The following SYNE2 variants were observed in gnomAD, a reference collection of about 807,000 sequenced individuals.
SYNE2 encodes the protein spectrin repeat containing nuclear envelope protein 2, also known as nesprin-2.
Under a neutral mutation model 856.3 loss-of-function variants are expected in SYNE2, and 431 were observed. The observed-to-expected ratio is 0.50, with a 90% CI of 0.47 to 0.55. The LOEUF is 0.55. Ranked by LOEUF, SYNE2 falls within the 20% of genes least tolerant of loss-of-function variation. The pLI is 0.00. For synonymous variants in SYNE2, 2,923 were observed against 2,872.3 expected, an observed-to-expected ratio of 1.02 and a Z score of -0.56; for missense variants, 8,129 against 8,023.2, an observed-to-expected ratio of 1.01 and a Z score of -0.50.
In SYNE2 at chr14:63,813,284, T is replaced by A. The variant is rs115941711; in HGVS notation, c.-304-39217T>A. Among the ~76,000 whole-genome samples, 538 of 152,184 alleles carry A rather than the reference T, an allele frequency of 3.5e-3. 5 individuals carry two copies. The highest frequency in any genetic ancestry group is 0.012 in the African/African-American group (505 of 41,510). On this transcript the variant is annotated intron_variant, in intron 1 of 23. Transcript: ENST00000674003. ...TCATTGTCTTTGGCAGAAATGAGAG[T>A]GAATGTAGAGAGAAAAATCGTGTTT...
chr14:64,192,516 T>C (rs1424508638), intron 99 of SYNE2, among the ~76,000 whole-genome samples: 1 of 152,138 alleles, frequency 6.6e-6, no homozygotes, highest in African/African-American at 2.4e-5. Context: ...GATAAAACAG[T>C]GGGTAAAATT....
chr14:64,194,890 C>G (rs2098534191), intron 99 of SYNE2, among the ~76,000 whole-genome samples: 1 of 152,238 alleles, frequency 6.6e-6, no homozygotes, highest in Admixed American at 6.5e-5. Context: ...GCCACCTGAT[C>G]TCACCTATGC....
intron 96 of SYNE2, among the ~76,000 whole-genome samples, chr14:64,184,368 G>GTGTA (rs1226355639): frequency 1.3e-5 from 2 of 150,838 alleles, no homozygotes; most frequent in African/African-American, 2.5e-5. Context: ...GTGTGTATGT[G>GTGTA]TATGAACATG....
chr14:64,132,335 T>C lies in SYNE2; in HGVS notation c.14411T>C (p.Leu4804Ser), dbSNP rs1368762615. The part of the protein sequence containing the change: ...QAYSAKILPS[L>S]LQNRETFWAE... ...TACTCTGCCAAAATACTTCCTTCTT[T>C]ATTGCAAAACAGAGAGACATTTTGG... Residue 4804 changes from leucine (L) to serine (S), a missense_variant, in exon 77 of 116, where the codon TTA (leucine) becomes TCA (serine). Physicochemically the swap from Leu to Ser is moderately radical, Grantham distance 145. Transcript: ENST00000555002. 1 of 1,614,208 alleles carries C rather than the reference T, an allele frequency of 6.2e-7. No homozygotes were observed. The highest frequency in any genetic ancestry group is 8.5e-7 in the Non-Finnish European group (1 of 1,180,034).
At chr14:64,111,212 ATG>A (rs1184183997) in intron 65 of SYNE2, among the ~76,000 whole-genome samples, 1 of 151,918 alleles carries the variant, frequency 6.6e-6, no homozygotes, top group Non-Finnish European at 1.5e-5. Context: ...AAAAAAAAAA[ATG>A]TGCGTGGCAT....
At chr14:63,772,141 C>T (rs961991594) in intron 1 of SYNE2, among the ~76,000 whole-genome samples, 24 of 151,852 alleles carry the variant, frequency 1.6e-4, no homozygotes, top group African/African-American at 5.6e-4. Flanking sequence ...TCCCTTGAGC[C>T]CAGGCATTTG....
At chr14:64,101,202 T>A (rs953376556) in intron 63 of SYNE2, among the ~76,000 whole-genome samples, 3 of 152,112 alleles carry the variant, frequency 2.0e-5, no homozygotes, top group Non-Finnish European at 2.9e-5. Flanking sequence ...TTTTAGTTTT[T>A]TGAGGAACTT....
rs1567585454 is a variant in SYNE2 at position 64,186,486 on chromosome 14, G to A, written c.17619G>A (p.Ala5873=). 23 of 1,614,070 alleles carry A rather than the reference G, an allele frequency of 1.4e-5. No individual in the cohort carries two copies. Among genetic ancestry groups the A allele is most frequent in the Middle Eastern group, 1.6e-4 (1 of 6,084 alleles). The change falls in exon 97 of 116, where the codon GCG becomes GCA. Residue 5873 remains alanine (A), a synonymous_variant. Transcript: ENST00000555002. ...QNLKELQTMK[A]DLTRHVLVED... is the part of the protein sequence containing the mutation. ...TGAAAGAACTTCAAACTATGAAGGC[G>A]GACTTAACCCGGCACGTTCTCGTGG...
chr14:63,840,971 G>A (rs1309703971), intron 1 of SYNE2, among the ~76,000 whole-genome samples: 6 of 152,158 alleles, frequency 3.9e-5, no homozygotes, highest in South Asian at 2.1e-4. Context: ...CCGAGATTGC[G>A]CCATTGCACT....
chr14:63,873,688 C>T (rs1449610351), intron 1 of SYNE2: 2 of 152,346 alleles, frequency 1.3e-5, no homozygotes, highest in Non-Finnish European at 2.9e-5. Context: ...CTGCACCCGG[C>T]CAAGTACTTA....
rs76632453 is a variant in SYNE2 at position 64,045,943 on chromosome 14, C to T, written c.7222-2057C>T. Among the ~76,000 whole-genome samples, 491 of 152,310 alleles carry T rather than the reference C, an allele frequency of 3.2e-3. 2 individuals carry two copies. Among genetic ancestry groups the T allele is most frequent in the Admixed American group, 5.3e-3 (81 of 15,294 alleles). ...CCCCTATTGTTAACATCTTACATTA[C>T]TATCTAGACAGTATTTTTAAGACAT... On this transcript the variant is annotated intron_variant, in intron 45 of 115. Coordinates refer to ENST00000555002, the MANE Select transcript of SYNE2 (RefSeq NM_182914.3).
intron 30 of SYNE2, among the ~76,000 whole-genome samples, chr14:64,005,752 G>GTA (rs2096791324): frequency 6.6e-6 from 1 of 152,166 alleles, no homozygotes; most frequent in African/African-American, 2.4e-5. Flanking sequence ...TGGGCTTGAG[G>GTA]TATATATTTG....
intron 31 of SYNE2, among the ~76,000 whole-genome samples, chr14:64,009,313 A>T (rs944370394): frequency 5.9e-5 from 9 of 152,172 alleles, no homozygotes; most frequent in Admixed American, 4.6e-4. Flanking sequence ...AGGCAGGTGG[A>T]TCACCTGAGG....
chr14:64,146,989 C>G (rs186509439), intron 84 of SYNE2, among the ~76,000 whole-genome samples: 19 of 152,334 alleles, frequency 1.2e-4, no homozygotes, highest in African/African-American at 4.6e-4. Context: ...GCCCTTTTCA[C>G]CTGCTCGTAT....
At chr14:64,029,852 C>T in intron 43 of SYNE2, 43 bp from the exon 44 acceptor site, 1 of 1,588,278 alleles carries the variant, frequency 6.3e-7, no homozygotes, top group Non-Finnish European at 8.6e-7. Context: ...TGAAAACAAT[C>T]AGAGAGAAAT....
chr14:64,049,933 C>T (rs2153574006), intron 47 of SYNE2, 57 bp downstream of exon 47: 2 of 1,596,988 alleles, frequency 1.3e-6, no homozygotes, highest in Middle Eastern at 3.3e-4. Flanking sequence ...CCATCTGCCA[C>T]CTTGGACAGG....
intron 2 of SYNE2, among the ~76,000 whole-genome samples, chr14:63,932,838 A>G (rs17101464): frequency 0.14 from 21,553 of 152,188 alleles, 2,088 homozygotes; most frequent in African/African-American, 0.27. Context: ...TGGCCATTCC[A>G]TAGAGTATGT....
At chr14:63,952,207 G>C (rs2096172926) in intron 7 of SYNE2, among the ~76,000 whole-genome samples, 2 of 152,164 alleles carry the variant, frequency 1.3e-5, no homozygotes, top group African/African-American at 4.8e-5. Flanking sequence ...CACCGTCTTT[G>C]TGGTATTGGC....
chr14:64,080,955 A>T (rs1204704316), intron 56 of SYNE2, among the ~76,000 whole-genome samples: 1 of 152,186 alleles, frequency 6.6e-6, no homozygotes, highest in Non-Finnish European at 1.5e-5. Context: ...TGGTCTCAGG[A>T]GTCTAGTAAG....
Sources: gnomAD v4.1 joint callset for allele counts (sites outside exome capture counted in the v4.1 genomes callset) on GRCh38, gnomAD v4.1.1 for gene constraint, MANE v1.5 for transcripts, NCBI Gene and HGNC (gene_info 2026-07-23, HGNC 2026-07-21) for gene names.